The following MYO6 variants were observed in gnomAD, a reference collection of about 807,000 sequenced individuals.
The protein encoded by MYO6 is unconventional myosin-VI.
MYO6 carries 74 observed loss-of-function variants against 178.7 expected under a neutral mutation model. The observed-to-expected ratio is 0.41, with a 90% CI of 0.34 to 0.50. The LOEUF (loss-of-function observed/expected upper bound fraction) is 0.50. MYO6 is among the 20% of genes least tolerant of loss of function. The pLI, the probability that MYO6 is intolerant of heterozygous loss-of-function variation, is 0.09. For synonymous variants in MYO6, 477 were observed against 504.6 expected, an observed-to-expected ratio of 0.95 and a Z score of 0.73; for missense variants, 1,330 against 1,547.4, an observed-to-expected ratio of 0.86 and a Z score of 2.36.
At chr6:75,765,333 C>T (rs1197358000) in intron 1 of MYO6, among the ~76,000 whole-genome samples, 4 of 151,624 alleles carry the variant, frequency 2.6e-5, no homozygotes, top group South Asian at 2.1e-4. Flanking sequence ...CACACTACCA[C>T]GCCTGGCTAA....
chr6:75,831,209 T>C (rs1384665402), intron 5 of MYO6, among the ~76,000 whole-genome samples: 2 of 152,208 alleles, frequency 1.3e-5, no homozygotes, highest in Non-Finnish European at 2.9e-5. Flanking sequence ...AGGTGTTAGC[T>C]AACCCTTTGC....
intron 6 of MYO6, among the ~76,000 whole-genome samples, chr6:75,834,202 TTTTGTTTG>T (rs1179359547): frequency 6.6e-6 from 1 of 152,052 alleles, no homozygotes; most frequent in Non-Finnish European, 1.5e-5. Flanking sequence ...CATTGTGTTT[TTTTGTTTG>T]TTTGTTTGTT....
intron 18 of MYO6, among the ~76,000 whole-genome samples, chr6:75,868,203 A>G (rs1477794187): frequency 6.6e-6 from 1 of 151,938 alleles, no homozygotes; most frequent in African/African-American, 2.4e-5. Context: ...AAACATAAAT[A>G]TAGGGAAAAA....
At chr6:75,805,212 T>C (rs543535801) in intron 1 of MYO6, among the ~76,000 whole-genome samples, 33 of 151,086 alleles carry the variant, frequency 2.2e-4, no homozygotes, top group Non-Finnish European at 4.9e-4. Flanking sequence ...TTAGGAGCAA[T>C]GGGGTTTCAC....
chr6:75,854,987 G>T lies in MYO6; in HGVS notation c.1079-152G>T, dbSNP rs566477753. 38 of 691,904 alleles carry T rather than the reference G, an allele frequency of 5.5e-5. No individual in the cohort carries two copies. In the Admixed American group the frequency reaches 9.1e-4, roughly 17 times the overall value. The allele number at this position is 691,904 out of a possible 1,614,324, so 42.9% of individuals were successfully genotyped here. On this transcript the variant is annotated intron_variant, in intron 11 of 34. Transcript: ENST00000369977. Reference sequence around the variant, plus strand: ...CTTAGCAGTACGGGTGTTTGACAAGGATAGTGAAAAAGTGAGGTAGATTTA... The same window carrying T: ...CTTAGCAGTACGGGTGTTTGACAAGTATAGTGAAAAAGTGAGGTAGATTTA...
At chr6:75,769,482 G>T (rs1002066410) in intron 1 of MYO6, among the ~76,000 whole-genome samples, 6 of 152,238 alleles carry the variant, frequency 3.9e-5, no homozygotes, top group Non-Finnish European at 8.8e-5. Context: ...CAACAGGGCA[G>T]TCATTAAATC....
At chr6:75,845,039 G>A in intron 10 of MYO6, 62 bp downstream of exon 10, 1 of 1,360,866 alleles carries the variant, frequency 7.3e-7, no homozygotes, top group Non-Finnish European at 1.0e-6. Context: ...TGAAAGATGT[G>A]TTATAATTTT....
At chr6:75,812,002 GT>G (rs72403837) in intron 1 of MYO6, among the ~76,000 whole-genome samples, 295 of 151,250 alleles carry the variant, frequency 2.0e-3, no homozygotes, top group African/African-American at 6.8e-3. Context: ...TCAAGCCTAG[GT>G]TTTTTTTTCT....
chr6:75,835,725 C>T lies in MYO6; in HGVS notation c.498-176C>T, dbSNP rs1005729277. On this transcript the variant is annotated intron_variant, in intron 6 of 34. Coordinates refer to ENST00000369977, the MANE Select transcript of MYO6 (RefSeq NM_004999.4). Reference sequence around the variant, plus strand: ...GGGATTACAGGCATGAGCCACCACACCTGACCCCAAATAGAATTTTAAATA... The same window carrying T: ...GGGATTACAGGCATGAGCCACCACATCTGACCCCAAATAGAATTTTAAATA... Among the ~76,000 whole-genome samples, 4 of 152,136 alleles carry T rather than the reference C, an allele frequency of 2.6e-5. No homozygotes were observed. In the South Asian group the frequency reaches 8.3e-4, roughly 32 times the overall value.
chr6:75,810,530 T>C (rs1332636136), intron 1 of MYO6, among the ~76,000 whole-genome samples: 1 of 152,200 alleles, frequency 6.6e-6, no homozygotes, highest in Non-Finnish European at 1.5e-5. Context: ...TAATGAGGCA[T>C]GTCTGACCTC....
At chr6:75,755,512 T>TA (rs1777271870) in intron 1 of MYO6, among the ~76,000 whole-genome samples, 1 of 152,250 alleles carries the variant, frequency 6.6e-6, no homozygotes, top group South Asian at 2.1e-4. Context: ...TTTAACATTT[T>TA]AAATAGATTG....
chr6:75,879,896 CA>C lies in MYO6; in HGVS notation c.2159del (p.Lys720SerfsTer25). ...CATTTCATGAACTCTACAACATGTA[CA>C]AAAAGTATATGCCAGATAAACTTGC... The part of the protein sequence containing the change: ...ASFHELYNMY[K>X]KYMPDKLARL... On this transcript the variant is annotated frameshift_variant, in exon 21 of 35. Coordinates refer to ENST00000369977, the MANE Select transcript of MYO6 (RefSeq NM_004999.4). LOFTEE classifies it high-confidence loss of function. 6.2e-7 allele frequency: 1 copy of C among 1,614,060 alleles called. No homozygotes were observed. Among genetic ancestry groups the C allele is most frequent in the Non-Finnish European group, 8.5e-7 (1 of 1,179,978 alleles).
chr6:75,798,700 A>G (rs750919633), intron 1 of MYO6, among the ~76,000 whole-genome samples: 7 of 152,204 alleles, frequency 4.6e-5, no homozygotes, highest in Admixed American at 6.5e-5. Flanking sequence ...TCTCCTTGAG[A>G]ACAGGAGCAA....
At chr6:75,819,111 T>C (rs1583181766) in intron 2 of MYO6, among the ~76,000 whole-genome samples, 1 of 152,358 alleles carries the variant, frequency 6.6e-6, no homozygotes, top group Middle Eastern at 3.4e-3. Flanking sequence ...TAATATGCTT[T>C]ACACTCTTAT....
At chr6:75,807,525 C>T (rs908397056) in intron 1 of MYO6, among the ~76,000 whole-genome samples, 1 of 151,932 alleles carries the variant, frequency 6.6e-6, no homozygotes, top group Non-Finnish European at 1.5e-5. Context: ...ATTTTATTTT[C>T]CTTTTTATCT....
At chr6:75,879,241 T>C (rs1051181979) in intron 20 of MYO6, among the ~76,000 whole-genome samples, 1 of 151,896 alleles carries the variant, frequency 6.6e-6, no homozygotes, top group African/African-American at 2.4e-5. Flanking sequence ...TGATCTTTCC[T>C]TAGTTTTGTT....
chr6:75,810,380 T>G (rs535856395), intron 1 of MYO6, among the ~76,000 whole-genome samples: 27 of 152,352 alleles, frequency 1.8e-4, no homozygotes, highest in African/African-American at 6.3e-4. Flanking sequence ...CAGGGTCTGA[T>G]ATCTGGCATG....
intron 12 of MYO6, among the ~76,000 whole-genome samples, chr6:75,856,136 AC>A (rs1775700233): frequency 6.6e-6 from 1 of 152,158 alleles, no homozygotes. Flanking sequence ...TTTGTAGAGT[AC>A]CACCCTACAG....
intron 29 of MYO6, among the ~76,000 whole-genome samples, chr6:75,897,482 A>G (rs1380852747): frequency 1.3e-5 from 2 of 152,182 alleles, no homozygotes; most frequent in Non-Finnish European, 2.9e-5. Flanking sequence ...TTACGAGAAA[A>G]GAGGAATACA....
Sources: allele counts gnomAD v4.1 joint callset (sites outside exome capture counted in the v4.1 genomes callset), GRCh38; gene constraint gnomAD v4.1.1; transcripts MANE v1.5; gene names NCBI Gene and HGNC (gene_info 2026-07-23, HGNC 2026-07-21).